Variants in SKAP1 observed in about 807,000 individuals in gnomAD.
SKAP1 encodes the protein src kinase-associated phosphoprotein 1.
Under a neutral mutation model 58.5 loss-of-function variants are expected in SKAP1, and 44 were observed. The ratio of observed to expected loss-of-function variants is 0.75; its 90% confidence interval spans 0.59 to 0.97. The LOEUF (loss-of-function observed/expected upper bound fraction) is 0.97. SKAP1 is among the 50% of genes least tolerant of loss of function. SKAP1 has a pLI of 0.00. For missense variants in SKAP1, 390 were observed against 435.2 expected (o/e 0.90, Z 0.92); for synonymous variants, 127 against 149.7 (o/e 0.85, Z 1.11).
intron 2 of SKAP1, chr17:48,382,305 C>A (rs937608080): frequency 3.3e-5 from 5 of 152,198 alleles, no homozygotes; most frequent in African/African-American, 1.2e-4. Context: ...ATGTAACAAA[C>A]CTGCACGTTG....
At position 48,284,447 on chromosome 17, in the gene SKAP1, G is replaced by A. The variant is rs570126654; in HGVS notation, c.280+61458C>T. Reference sequence around the variant, plus strand: ...GTCATTCTTTTCAATGTACTCAGAGGCACATGGGCCTATGGTGGGTTCTGC... The same window carrying A: ...GTCATTCTTTTCAATGTACTCAGAGACACATGGGCCTATGGTGGGTTCTGC... On this transcript the variant is annotated intron_variant, in intron 4 of 12. Transcript: ENST00000336915. Among the ~76,000 whole-genome samples the A allele has an allele frequency of 7.2e-5, 11 of 152,226 alleles. No individual in the cohort carries two copies. In the South Asian group the frequency reaches 1.0e-3, roughly 14 times the overall value.
intron 10 of SKAP1, among the ~76,000 whole-genome samples, chr17:48,165,864 T>A (rs1413673809): frequency 6.6e-6 from 1 of 152,188 alleles, no homozygotes; most frequent in East Asian, 1.9e-4. Context: ...AACATCCTAA[T>A]TCTCATTTTA....
At chr17:48,425,033 GC>G (rs1048911574) in intron 1 of SKAP1, among the ~76,000 whole-genome samples, 1 of 152,116 alleles carries the variant, frequency 6.6e-6, no homozygotes, top group African/African-American at 2.4e-5. Flanking sequence ...GCTGAGGCAG[GC>G]AGATCATGAG....
At chr17:48,427,775 T>C (rs936608549) in intron 1 of SKAP1, among the ~76,000 whole-genome samples, 5 of 151,890 alleles carry the variant, frequency 3.3e-5, no homozygotes, top group Non-Finnish European at 7.4e-5. Context: ...TAGTAATTCA[T>C]TGTGGAAACC....
intron 4 of SKAP1, among the ~76,000 whole-genome samples, chr17:48,190,420 G>T (rs1189113132): frequency 6.6e-6 from 1 of 152,056 alleles, no homozygotes; most frequent in East Asian, 1.9e-4. Context: ...CCAAACTTAA[G>T]AATTTTTTTG....
At chr17:48,432,229 G>A (rs1048981317), upstream of SKAP1, among the ~76,000 whole-genome samples, 2 of 152,142 alleles carry the variant, frequency 1.3e-5, no homozygotes, top group Non-Finnish European at 2.9e-5. Flanking sequence ...AGGAGTTTGA[G>A]GTCAGCCTGA....
At chr17:48,201,921 C>T (rs1014202044) in intron 4 of SKAP1, among the ~76,000 whole-genome samples, 2 of 152,168 alleles carry the variant, frequency 1.3e-5, no homozygotes, top group Admixed American at 1.3e-4. Context: ...GATAGTGTTT[C>T]CTCAGTCTTG....
At chr17:48,331,614 G>C (rs1680752126) in intron 4 of SKAP1, among the ~76,000 whole-genome samples, 1 of 151,988 alleles carries the variant, frequency 6.6e-6, no homozygotes, top group Non-Finnish European at 1.5e-5. Flanking sequence ...CAGGAGAACC[G>C]CTTGAACCCG....
At chr17:48,339,005 A>G (rs1054134248) in intron 4 of SKAP1, among the ~76,000 whole-genome samples, 3 of 152,214 alleles carry the variant, frequency 2.0e-5, no homozygotes, top group African/African-American at 4.8e-5. Context: ...ATTTCTCCCA[A>G]TGATCTGAAA....
intron 10 of SKAP1, among the ~76,000 whole-genome samples, chr17:48,167,803 T>C (rs1465848258): frequency 6.6e-6 from 1 of 152,164 alleles, no homozygotes; most frequent in Non-Finnish European, 1.5e-5. Context: ...TGCAAACAAA[T>C]GGCCAGTAAT....
chr17:48,261,857 A>C (rs1451729072), intron 4 of SKAP1, among the ~76,000 whole-genome samples: 1 of 116,488 alleles, frequency 8.6e-6, no homozygotes. Context: ...GAATATTGAA[A>C]AAGTTCTGTA....
chr17:48,421,808 G>C (rs1315444534), intron 1 of SKAP1, among the ~76,000 whole-genome samples: 1 of 152,144 alleles, frequency 6.6e-6, no homozygotes, highest in Non-Finnish European at 1.5e-5. Context: ...AGAACTGCAG[G>C]CTAGGTGACA....
At chr17:48,233,746 C>T (rs897691779) in intron 4 of SKAP1, among the ~76,000 whole-genome samples, 23 of 152,070 alleles carry the variant, frequency 1.5e-4, no homozygotes, top group African/African-American at 5.3e-4. Flanking sequence ...ATCCCAACTA[C>T]TAGGGAGGCT....
At chr17:48,144,469 A>G (rs2063805041) in intron 11 of SKAP1, among the ~76,000 whole-genome samples, 1 of 152,186 alleles carries the variant, frequency 6.6e-6, no homozygotes. Context: ...AACTATCACC[A>G]CCAAACGTTT....
In SKAP1 at chr17:48,260,271, A is replaced by G. The variant is rs540652560; in HGVS notation, c.281-70771T>C. The stretch of plus-strand genomic sequence containing the variant: ...TAGTAACTTAGCATTTTAAGAAGCC[A>G]TTAAGAAATCTCCTGTTTGAATGTG... On this transcript the variant is annotated intron_variant, in intron 4 of 12. Transcript: ENST00000336915. Among the ~76,000 whole-genome samples, 16 of 152,318 alleles carry G rather than the reference A, an allele frequency of 1.1e-4. No homozygotes were observed. In the South Asian group the frequency reaches 3.3e-3, roughly 32 times the overall value.
chr17:48,297,154 T>G (rs939716447), intron 4 of SKAP1, among the ~76,000 whole-genome samples: 1 of 152,184 alleles, frequency 6.6e-6, no homozygotes, highest in Non-Finnish European at 1.5e-5. Flanking sequence ...ATGACCTAAA[T>G]AGATGGTGGT....
chr17:48,261,053 T>C (rs1163601197), intron 4 of SKAP1, among the ~76,000 whole-genome samples: 2 of 152,188 alleles, frequency 1.3e-5, no homozygotes, highest in Non-Finnish European at 2.9e-5. Flanking sequence ...ACTTCTATTA[T>C]AGCAATTATC....
At chr17:48,141,018 C>G (rs1478610587) in intron 11 of SKAP1, among the ~76,000 whole-genome samples, 2 of 152,072 alleles carry the variant, frequency 1.3e-5, no homozygotes, top group Non-Finnish European at 2.9e-5. Flanking sequence ...AACTCCTGAC[C>G]TCAGGTGAGC....
intron 4 of SKAP1, among the ~76,000 whole-genome samples, chr17:48,211,829 G>A (rs189818703): frequency 2.0e-5 from 3 of 152,010 alleles, no homozygotes; most frequent in Admixed American, 6.6e-5. Context: ...TCATTTGTTC[G>A]TCATGGTCCA....
Sources: gnomAD v4.1 joint callset for allele counts (sites outside exome capture counted in the v4.1 genomes callset) on GRCh38, gnomAD v4.1.1 for gene constraint, MANE v1.5 for transcripts, NCBI Gene and HGNC (gene_info 2026-07-23, HGNC 2026-07-21) for gene names.